Variants in FN1 observed in about 807,000 individuals in gnomAD.
The protein encoded by FN1 is fibronectin.
FN1 carries 106 observed loss-of-function variants against 297.3 expected under a neutral mutation model. That is an observed-to-expected ratio of 0.36 (90% confidence interval 0.30 to 0.42). The LOEUF (loss-of-function observed/expected upper bound fraction) is 0.42. FN1 is among the 10% of genes least tolerant of loss of function. The probability of loss-of-function intolerance (pLI) is 1.00; values close to 1 mark genes in which losing one functional copy is unlikely to be tolerated. For missense variants in FN1, 2,690 were observed against 3,124.9 expected (o/e 0.86, Z 3.32); for synonymous variants, 1,149 against 1,152.6 (o/e 1.00, Z 0.06).
At chr2:215,362,795 G>C (rs1268145679) in intron 44 of FN1, 1 of 152,546 alleles carries the variant, frequency 6.6e-6, no homozygotes, top group East Asian at 1.9e-4. Flanking sequence ...AAGCTGGCAG[G>C]GGGTAAAGCA....
Position 215,378,192 on chromosome 2 carries a change from A to T in FN1, c.5693T>A (p.Val1898Asp). The T allele has an allele frequency of 6.2e-7, 1 of 1,605,248 alleles. No homozygotes were observed. Among genetic ancestry groups the T allele is most frequent in the Non-Finnish European group, 8.5e-7 (1 of 1,172,584 alleles). ...DTLTSRPAQG[V>D]VTTLENVSPP... ...TTACTTACTCTCCAGAGTGGTGACA[A>T]CTCCCTGAGCTGGTCTGCTTGTCAA... The change falls in exon 35 of 46, where the codon GTT (valine) becomes GAT (aspartate). Residue 1898 changes from valine to aspartate, a missense_variant. Val to Asp is a radical substitution (Grantham distance 152). This residue lies in a region of FN1 where 1,743 missense variants were observed against 1,945.2 expected (regional missense o/e 0.90). Transcript: ENST00000354785.
intron 13 of FN1, chr2:215,414,629 A>G (rs998276020): frequency 1.7e-5 from 22 of 1,331,016 alleles, no homozygotes; most frequent in Non-Finnish European, 2.0e-5. Context: ...CACCGCAAAA[A>G]AACAAAACCC....
chr2:215,411,923 T>C (rs571299436), intron 13 of FN1, among the ~76,000 whole-genome samples: 1 of 152,250 alleles, frequency 6.6e-6, no homozygotes, highest in African/African-American at 2.4e-5. Context: ...CACCTTGGCC[T>C]CCCAAAGTGC....
At chr2:215,395,595 G>T (rs1279268683) in intron 23 of FN1, among the ~76,000 whole-genome samples, 2 of 151,892 alleles carry the variant, frequency 1.3e-5, no homozygotes, top group Non-Finnish European at 2.9e-5. Context: ...GAAGTCTTCA[G>T]GAATCACAGA....
chr2:215,391,433 C>T (rs1004016514), intron 26 of FN1, among the ~76,000 whole-genome samples, 199 bp downstream of exon 26: 1 of 152,076 alleles, frequency 6.6e-6, no homozygotes, highest in Non-Finnish European at 1.5e-5. Flanking sequence ...TTTTTTAAAG[C>T]TGTAGATATC....
At chr2:215,381,463 G>T in intron 32 of FN1, 1 of 318,136 alleles carries the variant, frequency 3.1e-6, no homozygotes, top group South Asian at 2.8e-5. Flanking sequence ...GATTCAAATT[G>T]TTATAATTGT....
At chr2:215,382,693 G>A (rs1480965265) in intron 31 of FN1, among the ~76,000 whole-genome samples, 3 of 152,176 alleles carry the variant, frequency 2.0e-5, no homozygotes, top group Non-Finnish European at 4.4e-5. Context: ...AAAAAGAGCT[G>A]AAAAAGTCAG....
chr2:215,436,004 TC>T lies in FN1; in HGVS notation c.-203del, dbSNP rs1290411711. The T allele has an allele frequency of 8.5e-7, 1 of 1,172,998 alleles. No homozygotes were observed. The highest frequency in any genetic ancestry group is 1.7e-5 in the South Asian group (1 of 58,490). 72.7% of individuals were successfully genotyped at this position (1,172,998 alleles called of 1,614,324 possible). A position where few individuals can be genotyped will look rare whatever the true frequency, so the allele number is the denominator to read the frequency against. On this transcript the variant is annotated 5_prime_UTR_variant, in exon 1 of 46. Coordinates refer to ENST00000354785, the MANE Select transcript of FN1 (RefSeq NM_212482.4). ...GGACCAGAGAAGTTGTGGCTGCAGG[TC>T]CCCTCTTCCCGCTCGCGCCTGGGGT...
At chr2:215,420,857 G>GA in intron 10 of FN1, 56 bp from the exon 11 acceptor site, 4 of 1,556,956 alleles carry the variant, frequency 2.6e-6, no homozygotes, top group Non-Finnish European at 3.5e-6. Flanking sequence ...ATTGATGAAA[G>GA]AAAAAAGGTA....
At position 215,372,040 on chromosome 2, in the gene FN1, C is replaced by A; in HGVS notation, c.6583G>T (p.Gly2195Ter). 1 of 1,614,138 alleles carries A rather than the reference C, an allele frequency of 6.2e-7. No homozygotes were observed. The highest frequency in any genetic ancestry group is 8.5e-7 in the Non-Finnish European group (1 of 1,180,028). ...CCTGTAGAGGCATTTGGATTGAGTCCCGGACCGTGTGGGTACAGGTGATAG... is the reference window on the plus strand; with the variant it reads ...CCTGTAGAGGCATTTGGATTGAGTCACGGACCGTGTGGGTACAGGTGATAG... ...VDYHLYPHGP[G>*]LNPNASTGQE... is the part of the protein sequence containing the mutation. Residue 2195 changes from glycine to a stop codon, truncating the protein, a stop_gained, in exon 40 of 46, where the codon GGA becomes TGA. Transcript: ENST00000354785. LOFTEE classifies it high-confidence loss of function.
intron 12 of FN1, among the ~76,000 whole-genome samples, chr2:215,416,659 C>T (rs900226307): frequency 2.9e-4 from 44 of 152,110 alleles, no homozygotes; most frequent in African/African-American, 1.0e-3. Context: ...TCTTGTCAAT[C>T]ATGATTTTGA....
chr2:215,368,070 A>G, intron 41 of FN1, 43 bp from the exon 42 acceptor site: 1 of 1,599,860 alleles, frequency 6.3e-7, no homozygotes, highest in Non-Finnish European at 8.6e-7. Flanking sequence ...ACATCTTATT[A>G]ATCGATTTGG....
chr2:215,382,209 T>C lies in FN1; in HGVS notation c.5164+3A>G, dbSNP rs2105944563. ...AAATGGAAACCAAGCAGTGGTTACG[T>C]ACTGGTTACTGCAGTCTGAACCAGA... On this transcript the variant is annotated splice_donor_region_variant and intron_variant, in intron 32 of 45. Coordinates refer to ENST00000354785, the MANE Select transcript of FN1 (RefSeq NM_212482.4). 3.1e-6 allele frequency: 5 copies of C among 1,598,048 alleles called. No individual in the cohort carries two copies. The highest frequency in any genetic ancestry group is 1.7e-4 in the Middle Eastern group (1 of 6,022).
intron 9 of FN1, among the ~76,000 whole-genome samples, chr2:215,422,949 C>T (rs1405722588): frequency 6.6e-6 from 1 of 152,170 alleles, no homozygotes; most frequent in African/African-American, 2.4e-5. Context: ...CATCAAACCA[C>T]AACCATGTGT....
chr2:215,375,799 G>A (rs1423119967), intron 36 of FN1, 81 bp from the exon 37 acceptor site: 7 of 894,316 alleles, frequency 7.8e-6, no homozygotes, highest in Non-Finnish European at 1.3e-5. Flanking sequence ...AATTTTTCTG[G>A]GTTCTTCTAT....
At chr2:215,411,353 C>A (rs1238393057) in intron 13 of FN1, among the ~76,000 whole-genome samples, 8 of 152,164 alleles carry the variant, frequency 5.3e-5, no homozygotes, top group Non-Finnish European at 1.0e-4. Flanking sequence ...CCCAGTCAAC[C>A]ATTTCCTCAA....
chr2:215,378,296 C>T lies in FN1; in HGVS notation c.5623-34G>A, dbSNP rs542497317. On this transcript the variant is annotated intron_variant, in intron 34 of 45. Transcript: ENST00000354785. ...ATAAGGGCATGGTGAGCTTTAGCAA[C>T]GTCCTCAACTGAAACCCAAGGAGTT... is the stretch of plus-strand genomic sequence containing the variant. 2.0e-4 allele frequency: 233 copies of T among 1,186,550 alleles called. 5 individuals carry two copies. The South Asian group carries it at 2.4e-3, about 12-fold the overall frequency. 73.5% of individuals were successfully genotyped at this position (1,186,550 alleles called of 1,614,324 possible).
chr2:215,410,130 A>AAT lies in FN1; in HGVS notation c.1942-17_1942-16insAT. The stretch of plus-strand genomic sequence containing the variant: ...CAGAATTTTTCTGAAAATTTAAATT[A>AAT]ACACACACACACACACACACACGTG... On this transcript the variant is annotated splice_polypyrimidine_tract_variant and intron_variant, in intron 13 of 45. Transcript: ENST00000354785. 7.0e-7 allele frequency: 1 copy of AAT among 1,423,004 alleles called. No individual in the cohort carries two copies. The highest frequency in any genetic ancestry group is 9.7e-7 in the Non-Finnish European group (1 of 1,035,530). 88.1% of individuals were successfully genotyped at this position (1,423,004 alleles called of 1,614,324 possible).
chr2:215,399,348 T>TGC lies in FN1; in HGVS notation c.3255_3256dup (p.Gln1086ArgfsTer14). 1 of 1,610,002 alleles carries TGC rather than the reference T, an allele frequency of 6.2e-7. No individual in the cohort carries two copies. Among genetic ancestry groups the TGC allele is most frequent in the Non-Finnish European group, 8.5e-7 (1 of 1,176,234 alleles). ...GTAAGGTGGAATAGAGCTCCCAGGC[T>TGC]GCACTGTGAGAGAGAATCAATGCAC... On this transcript the variant is annotated frameshift_variant, in exon 21 of 46. Coordinates refer to ENST00000354785, the MANE Select transcript of FN1 (RefSeq NM_212482.4). LOFTEE classifies it high-confidence loss of function.
Sources: allele counts gnomAD v4.1 joint callset (sites outside exome capture counted in the v4.1 genomes callset), GRCh38; gene constraint gnomAD v4.1.1; regional missense constraint gnomAD v4.1.1; transcripts MANE v1.5; gene names NCBI Gene and HGNC (gene_info 2026-07-23, HGNC 2026-07-21).